The following VRK1 variants were observed in gnomAD, a reference collection of about 807,000 sequenced individuals.
The protein encoded by VRK1 is serine/threonine-protein kinase VRK1.
VRK1 carries 33 observed loss-of-function variants against 57.1 expected under a neutral mutation model. That is an observed-to-expected ratio of 0.58 (90% CI 0.44 to 0.77). The LOEUF is 0.77. Ranked by LOEUF, VRK1 falls within the 30% of genes least tolerant of loss-of-function variation. The pLI is 0.00. For missense variants in VRK1, 413 were observed against 477.3 expected, an observed-to-expected ratio of 0.87 and a Z score of 1.25; for synonymous variants, 137 against 147.8, an observed-to-expected ratio of 0.93 and a Z score of 0.53.
chr14:96,799,311 A>C (rs1778693010), intron 1 of VRK1, among the ~76,000 whole-genome samples: 1 of 151,958 alleles, frequency 6.6e-6, no homozygotes, highest in African/African-American at 2.4e-5. Context: ...AAATTTCTTA[A>C]AGGAAATAGG....
intron 5 of VRK1, 24 bp downstream of exon 5, chr14:96,847,368 TTCTC>T (rs747106284): frequency 1.3e-6 from 2 of 1,585,230 alleles, no homozygotes; most frequent in South Asian, 2.2e-5. Context: ...TGATTTGTCT[TTCTC>T]CTTCCCTTTT....
intron 12 of VRK1, among the ~76,000 whole-genome samples, chr14:96,877,855 T>G (rs756704070): frequency 1.3e-5 from 2 of 152,222 alleles, no homozygotes; most frequent in Non-Finnish European, 1.5e-5. Flanking sequence ...AGTATAATTA[T>G]GAATTTTTTT....
Position 96,817,391 on chromosome 14 carries a change from TTC to T in VRK1, c.-5-16074_-5-16073del, listed in dbSNP as rs1353298116. Among the ~76,000 whole-genome samples, 3 of 152,266 alleles carry T rather than the reference TTC, an allele frequency of 2.0e-5. No individual in the cohort carries two copies. In the East Asian group the frequency reaches 5.8e-4, roughly 29 times the overall value. On this transcript the variant is annotated intron_variant, in intron 1 of 12. Coordinates refer to ENST00000216639, the MANE Select transcript of VRK1 (RefSeq NM_003384.3). The stretch of plus-strand genomic sequence containing the variant: ...GGCTTTTTTTTAATCTGTGGAGAAT[TTC>T]TATTTTTATTTTGTTAAATTTATCA...
chr14:96,802,473 G>A (rs1885701918), intron 1 of VRK1, among the ~76,000 whole-genome samples: 2 of 152,152 alleles, frequency 1.3e-5, no homozygotes, highest in Middle Eastern at 3.2e-3. Flanking sequence ...GAGTTTAAGG[G>A]CATTGTATTG....
chr14:96,822,110 A>G (rs1886627605), intron 1 of VRK1, among the ~76,000 whole-genome samples: 2 of 136,722 alleles, frequency 1.5e-5, no homozygotes, highest in Non-Finnish European at 3.1e-5. Context: ...CCCTTATACC[A>G]TTGGACATAT....
chr14:96,807,597 C>T (rs1885932005), intron 1 of VRK1, among the ~76,000 whole-genome samples: 1 of 152,076 alleles, frequency 6.6e-6, no homozygotes, highest in Admixed American at 6.5e-5. Context: ...AAGAATATCA[C>T]CTTCCTTCTT....
chr14:96,880,138 T>C (rs1224396461), intron 12 of VRK1, among the ~76,000 whole-genome samples: 2 of 152,116 alleles, frequency 1.3e-5, no homozygotes, highest in East Asian at 3.9e-4. Flanking sequence ...TTCATTGAAC[T>C]GTATGATTGA....
chr14:96,830,421 TAA>T (rs1418653525), intron 1 of VRK1, among the ~76,000 whole-genome samples: 1 of 152,100 alleles, frequency 6.6e-6, no homozygotes, highest in African/African-American at 2.4e-5. Flanking sequence ...CTCTTGTCAT[TAA>T]AAAGTTTTAT....
chr14:96,832,655 A>G (rs556076761), intron 1 of VRK1, among the ~76,000 whole-genome samples: 2 of 152,170 alleles, frequency 1.3e-5, no homozygotes, highest in Non-Finnish European at 2.9e-5. Context: ...TCTGAATGTT[A>G]TGTTAAACTT....
intron 1 of VRK1, among the ~76,000 whole-genome samples, chr14:96,825,586 A>C (rs980957192): frequency 6.6e-6 from 1 of 152,212 alleles, no homozygotes; most frequent in African/African-American, 2.4e-5. Context: ...ATGCAATAAG[A>C]GGTACAAACA....
rs1391529675 is a variant in VRK1 at position 96,833,384 on chromosome 14, C to T, written c.-5-83C>T. ...TAAGTAGGAATTTGAACAGCATCTCCGTACGGAAGTTTTCCTTAGGGAAAA... is the reference window on the plus strand; with the variant it reads ...TAAGTAGGAATTTGAACAGCATCTCTGTACGGAAGTTTTCCTTAGGGAAAA... On this transcript the variant is annotated intron_variant, in intron 1 of 12. Transcript: ENST00000216639. The T allele has an allele frequency of 1.3e-5, 20 of 1,531,686 alleles. No individual in the cohort carries two copies. The East Asian group carries it at 1.4e-4, about 11-fold the overall frequency. The allele number at this position is 1,531,686 out of a possible 1,614,324, so 94.9% of individuals were successfully genotyped here. A position where few individuals can be genotyped will look rare whatever the true frequency, so the allele number is the denominator to read the frequency against.
At position 96,855,255 on chromosome 14, in the gene VRK1, G is replaced by A; in HGVS notation, c.608G>A (p.Arg203Gln). The change falls in exon 8 of 13, where the codon CGG becomes CAG. Residue 203 changes from arginine (R) to glutamine (Q), a missense_variant. By Grantham distance (43) the Arg-to-Gln change is conservative. Transcript: ENST00000216639. ...VYLVDYGLAYRYCPEGVHKEY... is the reference protein window; with the variant it reads ...VYLVDYGLAYQYCPEGVHKEY... ...TTGGTAGATTATGGCCTTGCTTATCGGTACTGCCCAGAAGGAGTTCATAAA... is the reference window on the plus strand; with the variant it reads ...TTGGTAGATTATGGCCTTGCTTATCAGTACTGCCCAGAAGGAGTTCATAAA... The A allele has an allele frequency of 3.1e-6, 5 of 1,614,002 alleles. No individual in the cohort carries two copies. The highest frequency in any genetic ancestry group is 3.4e-6 in the Non-Finnish European group (4 of 1,179,936).
intron 1 of VRK1, among the ~76,000 whole-genome samples, chr14:96,821,769 G>A (rs1221375956): frequency 2.0e-5 from 3 of 152,012 alleles, no homozygotes; most frequent in African/African-American, 7.3e-5. Context: ...TGAGTGTTGG[G>A]CATGTTCTCC....
intron 1 of VRK1, among the ~76,000 whole-genome samples, chr14:96,802,102 T>G (rs1595633190): frequency 6.6e-6 from 1 of 152,250 alleles, no homozygotes; most frequent in African/African-American, 2.4e-5. Flanking sequence ...TTTTTCAGAC[T>G]TGCAGAAAAT....
intron 5 of VRK1, among the ~76,000 whole-genome samples, chr14:96,850,997 A>G (rs1365436206): frequency 6.6e-6 from 1 of 152,198 alleles, no homozygotes; most frequent in African/African-American, 2.4e-5. Context: ...GCCAACATGT[A>G]TATGTGCCCT....
At chr14:96,873,507 G>A (rs994975067) in intron 11 of VRK1, among the ~76,000 whole-genome samples, 1 of 152,116 alleles carries the variant, frequency 6.6e-6, no homozygotes, top group African/African-American at 2.4e-5. Context: ...AGTTATTTTA[G>A]TATATCATAC....
chr14:96,803,586 C>T (rs953377172), intron 1 of VRK1, among the ~76,000 whole-genome samples: 3 of 152,054 alleles, frequency 2.0e-5, no homozygotes, highest in African/African-American at 2.4e-5. Context: ...TAGGAAAAAA[C>T]GTATTTATGT....
intron 3 of VRK1, among the ~76,000 whole-genome samples, chr14:96,843,165 C>T (rs1887534162): frequency 6.6e-6 from 1 of 152,164 alleles, no homozygotes; most frequent in African/African-American, 2.4e-5. Flanking sequence ...TATTTTATTT[C>T]TGAAAGTAAC....
chr14:96,846,083 T>C lies in VRK1; in HGVS notation c.217-12T>C. On this transcript the variant is annotated splice_polypyrimidine_tract_variant and intron_variant, in intron 3 of 12. Transcript: ENST00000216639. ...AACTACTGCTAGTACTAATTAACTC[T>C]TATATTTTAAGGAACCCAGTGACAA... The C allele has an allele frequency of 6.2e-7, 1 of 1,611,434 alleles. No individual in the cohort carries two copies. Among genetic ancestry groups the C allele is most frequent in the Non-Finnish European group, 8.5e-7 (1 of 1,177,784 alleles).
Sources: gnomAD v4.1 joint callset for allele counts (sites outside exome capture counted in the v4.1 genomes callset) on GRCh38, gnomAD v4.1.1 for gene constraint, MANE v1.5 for transcripts, NCBI Gene and HGNC (gene_info 2026-07-23, HGNC 2026-07-21) for gene names.